PLEKHA5: variants seen among roughly 807,000 people sequenced by gnomAD.
PLEKHA5 encodes pleckstrin homology domain containing A5, also known as pleckstrin homology domain-containing family A member 5.
A neutral mutation model predicts 181.9 loss-of-function variants in PLEKHA5; 55 were observed. The observed-to-expected ratio is 0.30, with a 90% CI of 0.24 to 0.38. The LOEUF (loss-of-function observed/expected upper bound fraction) is 0.38, where lower values mean the gene tolerates loss of function less well. Among genes scored for constraint, PLEKHA5 ranks in the 10% least tolerant of loss-of-function variants. The pLI, the probability that PLEKHA5 is intolerant of heterozygous loss-of-function variation, is 1.00. For synonymous variants in PLEKHA5, 535 were observed against 529.4 expected, an observed-to-expected ratio of 1.01 and a Z score of -0.15; for missense variants, 1,432 against 1,549.5, an observed-to-expected ratio of 0.92 and a Z score of 1.27.
intron 15 of PLEKHA5, among the ~76,000 whole-genome samples, chr12:19,311,343 C>T (rs780458420): frequency 3.4e-4 from 52 of 150,884 alleles, no homozygotes; most frequent in Admixed American, 3.4e-3. Context: ...GAGGCTGAAG[C>T]GGCAGGATCG....
intron 25 of PLEKHA5, among the ~76,000 whole-genome samples, chr12:19,349,592 A>G (rs1315033802): frequency 1.3e-5 from 2 of 152,072 alleles, no homozygotes; most frequent in African/African-American, 2.4e-5. Context: ...AAAAGAGTAG[A>G]GAGAGAACTA....
chr12:19,238,711 A>G (rs1387376265), intron 3 of PLEKHA5, among the ~76,000 whole-genome samples: 4 of 151,274 alleles, frequency 2.6e-5, no homozygotes, highest in African/African-American at 9.7e-5. Flanking sequence ...AGACATTATG[A>G]CATCATAGGT....
chr12:19,178,731 C>T (rs1466986955), intron 3 of PLEKHA5, among the ~76,000 whole-genome samples: 2 of 152,118 alleles, frequency 1.3e-5, no homozygotes, highest in African/African-American at 4.8e-5. Context: ...CTTAGTCTGC[C>T]TTACTGGGCG....
chr12:19,175,928 T>G (rs2151756314), intron 3 of PLEKHA5, among the ~76,000 whole-genome samples: 1 of 152,316 alleles, frequency 6.6e-6, no homozygotes, highest in African/African-American at 2.4e-5. Context: ...GCCCGGGTTG[T>G]ACCCCACACC....
intron 11 of PLEKHA5, among the ~76,000 whole-genome samples, chr12:19,276,697 C>T (rs934046347): frequency 6.6e-6 from 1 of 152,148 alleles, no homozygotes; most frequent in African/African-American, 2.4e-5. Flanking sequence ...AAAAATGACA[C>T]CCTGCCTTTT....
At chr12:19,171,375 T>TA (rs529096781) in intron 3 of PLEKHA5, among the ~76,000 whole-genome samples, 41 of 152,294 alleles carry the variant, frequency 2.7e-4, no homozygotes, top group African/African-American at 7.0e-4. Context: ...TCATACCCTG[T>TA]AAAAAAATAG....
At chr12:19,284,810 G>T (rs1322207950) in intron 12 of PLEKHA5, among the ~76,000 whole-genome samples, 1 of 151,942 alleles carries the variant, frequency 6.6e-6, no homozygotes, top group Non-Finnish European at 1.5e-5. Flanking sequence ...GCTCACACCT[G>T]TATTCCCAAC....
At chr12:19,276,472 G>A (rs774104688) in intron 11 of PLEKHA5, among the ~76,000 whole-genome samples, 19 of 152,154 alleles carry the variant, frequency 1.2e-4, no homozygotes, top group Admixed American at 1.2e-3. Context: ...GGGCAGTTCA[G>A]TTGAGGCCAG....
At chr12:19,246,681 A>G (rs2063836458) in intron 3 of PLEKHA5, among the ~76,000 whole-genome samples, 1 of 151,474 alleles carries the variant, frequency 6.6e-6, no homozygotes, top group African/African-American at 2.4e-5. Flanking sequence ...TCAAATTCTG[A>G]TTTTTAAATA....
chr12:19,283,121 T>C (rs1684462835), intron 11 of PLEKHA5, among the ~76,000 whole-genome samples, 159 bp from the exon 12 acceptor site: 1 of 109,762 alleles, frequency 9.1e-6, no homozygotes, highest in Non-Finnish European at 1.7e-5. Flanking sequence ...CACTCCAGCT[T>C]GGGCAACAGA....
At position 19,129,900 on chromosome 12, in the gene PLEKHA5, G is replaced by A. The variant is rs1489484830; in HGVS notation, c.89+12G>A. ...GTCTTCTTCATCAAGTAAAGAGCCG[G>A]GGACGGCACGGGGGCCCGCGGGGGC... On this transcript the variant is annotated intron_variant, in intron 1 of 31. Transcript: ENST00000429027. 3 of 1,595,742 alleles carry A rather than the reference G, an allele frequency of 1.9e-6. No individual in the cohort carries two copies. The highest frequency in any genetic ancestry group is 2.6e-6 in the Non-Finnish European group (3 of 1,170,780).
At chr12:19,200,476 G>A in intron 3 of PLEKHA5, 1 of 1,398,516 alleles carries the variant, frequency 7.2e-7, no homozygotes. Flanking sequence ...TCGTTATCCA[G>A]TAGCTTTCCT....
chr12:19,263,772 G>T (rs1416532406), intron 7 of PLEKHA5, among the ~76,000 whole-genome samples: 1 of 152,146 alleles, frequency 6.6e-6, no homozygotes, highest in African/African-American at 2.4e-5. Flanking sequence ...TTTGGAGAGT[G>T]TTGTTCTTGG....
At chr12:19,354,934 C>G (rs1481488259) in intron 26 of PLEKHA5, among the ~76,000 whole-genome samples, 1 of 152,108 alleles carries the variant, frequency 6.6e-6, no homozygotes, top group Admixed American at 6.6e-5. Context: ...CTCCTTGATG[C>G]CTCTTAAGAA....
intron 25 of PLEKHA5, among the ~76,000 whole-genome samples, chr12:19,351,867 A>G (rs369309337): frequency 1.4e-3 from 213 of 152,242 alleles, no homozygotes; most frequent in Middle Eastern, 3.4e-3. Flanking sequence ...TGAGGTCAGG[A>G]GTTCCAGACC....
At chr12:19,312,027 C>T (rs2086722671) in intron 15 of PLEKHA5, among the ~76,000 whole-genome samples, 1 of 152,186 alleles carries the variant, frequency 6.6e-6, no homozygotes, top group Non-Finnish European at 1.5e-5. Context: ...GTGAAAACCA[C>T]ATTCATCCAC....
At chr12:19,307,236 G>T in intron 15 of PLEKHA5, 1 of 527,486 alleles carries the variant, frequency 1.9e-6, no homozygotes. Flanking sequence ...GCTTTGGGAG[G>T]CTGAGGAGGG....
At chr12:19,138,137 T>C (rs2036217698) in intron 3 of PLEKHA5, among the ~76,000 whole-genome samples, 1 of 152,208 alleles carries the variant, frequency 6.6e-6, no homozygotes, top group South Asian at 2.1e-4. Flanking sequence ...GTCTGTCCTA[T>C]ACAGGATGGA....
chr12:19,263,895 A>G (rs150529579), intron 7 of PLEKHA5, among the ~76,000 whole-genome samples: 10 of 152,312 alleles, frequency 6.6e-5, no homozygotes, highest in African/African-American at 2.2e-4. Flanking sequence ...CTTTCATTCT[A>G]CAAACATTAC....
Sources: allele counts gnomAD v4.1 joint callset (sites outside exome capture counted in the v4.1 genomes callset), GRCh38; gene constraint gnomAD v4.1.1; transcripts MANE v1.5; gene names NCBI Gene and HGNC (gene_info 2026-07-23, HGNC 2026-07-21).